Variants in TP53BP2 observed in about 807,000 individuals in gnomAD.
TP53BP2 encodes tumor protein p53 binding protein 2.
A neutral mutation model predicts 126.2 loss-of-function variants in TP53BP2; 62 were observed. The ratio of observed to expected loss-of-function variants is 0.49; its 90% CI spans 0.40 to 0.61. TP53BP2 has a LOEUF of 0.61. Ranked by LOEUF, TP53BP2 falls within the 20% of genes least tolerant of loss-of-function variation. The pLI is 0.00. For synonymous variants in TP53BP2, 485 were observed against 502.9 expected (o/e 0.96, Z 0.48); for missense variants, 1,215 against 1,402.8 (o/e 0.87, Z 2.14).
chr1:223,807,365 A>G (rs1161127802), intron 4 of TP53BP2, among the ~76,000 whole-genome samples: 3 of 152,192 alleles, frequency 2.0e-5, no homozygotes, highest in Non-Finnish European at 4.4e-5. Context: ...CTTTAGCACT[A>G]AAAAATTCAA....
At position 223,803,318 on chromosome 1, in the gene TP53BP2, T is replaced by C; in HGVS notation, c.784A>G (p.Asn262Asp). The change falls in exon 7 of 18, where the codon AAT (asparagine) becomes GAT (aspartate). Residue 262 changes from asparagine to aspartate, a missense_variant. By Grantham distance (23) the Asn-to-Asp change is conservative. Transcript: ENST00000343537. ...KNGRIDSHHD[N>D]QSAVAELDRL... ...TCAAGCTCAGCCACTGCAGACTGAT[T>C]GTCATGGTGGCTGTCGATCCTGCCG... 2 of 1,613,572 alleles carry C rather than the reference T, an allele frequency of 1.2e-6. No homozygotes were observed. Among genetic ancestry groups the C allele is most frequent in the South Asian group, 1.1e-5 (1 of 91,052 alleles).
chr1:223,843,505 T>TAAACC (rs1211619559), intron 1 of TP53BP2, among the ~76,000 whole-genome samples: 5 of 152,210 alleles, frequency 3.3e-5, no homozygotes, highest in Admixed American at 2.0e-4. Flanking sequence ...GTCTAAATAG[T>TAAACC]AAACCATTAT....
chr1:223,812,777 C>G (rs533650062), intron 3 of TP53BP2, among the ~76,000 whole-genome samples: 1 of 152,232 alleles, frequency 6.6e-6, no homozygotes, highest in Admixed American at 6.5e-5. Context: ...CCAGGATGGT[C>G]TGTCTCGATC....
intron 1 of TP53BP2, among the ~76,000 whole-genome samples, chr1:223,841,213 A>T (rs889480559): frequency 1.3e-5 from 2 of 151,496 alleles, no homozygotes; most frequent in Non-Finnish European, 2.9e-5. Context: ...ACTGCACTCC[A>T]GCCTGGACTA....
chr1:223,821,895 CT>C (rs111552661), intron 1 of TP53BP2, among the ~76,000 whole-genome samples: 24,324 of 144,732 alleles, frequency 0.17, 2,977 homozygotes, highest in African/African-American at 0.35. Flanking sequence ...AAAAATTGTA[CT>C]TTTTTTTTTT....
In TP53BP2 at chr1:223,780,926, A is replaced by C. The variant is rs765967534; in HGVS notation, c.3364-32T>G. 2.5e-6 allele frequency: 4 copies of C among 1,588,996 alleles called. No homozygotes were observed. In the South Asian group the frequency reaches 4.5e-5, roughly 18 times the overall value. On this transcript the variant is annotated intron_variant, in intron 17 of 17. Coordinates refer to ENST00000343537, the MANE Select transcript of TP53BP2 (RefSeq NM_001031685.3). The stretch of plus-strand genomic sequence containing the variant: ...GAGAGTTTAAAAAATTTTACATACT[A>C]TAATAGATGTGTGGGAATATAACAA...
chr1:223,799,926 GCTCTGGTTCTTC>G lies in TP53BP2; in HGVS notation c.1446_1457del (p.Arg482_Gln485del). The G allele has an allele frequency of 1.2e-6, 2 of 1,607,808 alleles. No individual in the cohort carries two copies. Among genetic ancestry groups the G allele is most frequent in the Non-Finnish European group, 1.7e-6 (2 of 1,178,188 alleles). ...GAGCATCCCGCAAGATATCTTCACT[GCTCTGGTTCTTC>G]CTCAGAGTACCAAAGGAAGGTGGGG... is the stretch of plus-strand genomic sequence containing the variant. On this transcript the variant is annotated inframe_deletion, in exon 11 of 18. Transcript: ENST00000343537.
intron 1 of TP53BP2, chr1:223,834,899 C>G: frequency 1.0e-6 from 1 of 977,406 alleles, no homozygotes; most frequent in Non-Finnish European, 1.2e-6. Context: ...GTCTGTATCC[C>G]TGTCTTATCT....
At chr1:223,784,009 T>C in intron 17 of TP53BP2, 106 bp downstream of exon 17, 8 of 948,198 alleles carry the variant, frequency 8.4e-6, no homozygotes, top group Non-Finnish European at 1.4e-5. Flanking sequence ...TTCCATGTCT[T>C]ATTAACAAAG....
intron 2 of TP53BP2, chr1:223,818,167 C>T (rs1011925693): frequency 4.6e-5 from 7 of 152,538 alleles, no homozygotes; most frequent in East Asian, 3.9e-4. Flanking sequence ...TCAGGGGAAT[C>T]GCTTAGGACA....
rs550071223 is a variant in TP53BP2, at chr1:223,845,767, C to T, written c.-87G>A. The T allele has an allele frequency of 1.9e-4, 247 of 1,295,106 alleles. 2 individuals carry two copies. In the South Asian group the frequency reaches 4.5e-3, roughly 23 times the overall value. The allele number at this position is 1,295,106 out of a possible 1,614,324, so 80.2% of individuals were successfully genotyped here. ...CGGGGGAGGGGAGCGGAGAGCGAGG[C>T]CGCCCGGACCTGTTGCGAGGCGGCG... On this transcript the variant is annotated 5_prime_UTR_variant, in exon 1 of 18. Coordinates refer to ENST00000343537, the MANE Select transcript of TP53BP2 (RefSeq NM_001031685.3).
chr1:223,845,567 C>T, intron 1 of TP53BP2, 87 bp downstream of exon 1: 1 of 1,385,154 alleles, frequency 7.2e-7, no homozygotes, highest in Non-Finnish European at 9.4e-7. Flanking sequence ...AGGCTCCTTC[C>T]CCGACGCGCC....
intron 1 of TP53BP2, among the ~76,000 whole-genome samples, chr1:223,822,423 TGGGA>T (rs1663342778): frequency 1.3e-5 from 2 of 151,668 alleles, no homozygotes; most frequent in Non-Finnish European, 2.9e-5. Context: ...CCCAACACTT[TGGGA>T]GGCCAAGGCG....
intron 1 of TP53BP2, among the ~76,000 whole-genome samples, chr1:223,822,511 A>G (rs1325235988): frequency 6.6e-6 from 1 of 152,082 alleles, no homozygotes; most frequent in Non-Finnish European, 1.5e-5. Flanking sequence ...ACCAAAAATT[A>G]AAAGAAAATC....
chr1:223,828,385 G>A lies in TP53BP2; in HGVS notation c.28-7018C>T, dbSNP rs181758684. 1.4e-4 allele frequency among the ~76,000 whole-genome samples: 21 copies of A among 152,218 alleles called. No individual in the cohort carries two copies. The East Asian group carries it at 3.1e-3, about 22-fold the overall frequency. On this transcript the variant is annotated intron_variant, in intron 1 of 17. Transcript: ENST00000343537. ...AGTGAATTTTTAGGAACTTATCTAC[G>A]TTTAAATTTTCTAGAATGTACCACG...
At chr1:223,822,577 G>A (rs1663349616) in intron 1 of TP53BP2, among the ~76,000 whole-genome samples, 1 of 151,770 alleles carries the variant, frequency 6.6e-6, no homozygotes, top group South Asian at 2.1e-4. Context: ...GCTGAGTGGG[G>A]AAGACTGCTT....
chr1:223,827,857 G>A (rs1336051543), intron 1 of TP53BP2, among the ~76,000 whole-genome samples: 1 of 151,776 alleles, frequency 6.6e-6, no homozygotes, highest in Non-Finnish European at 1.5e-5. Flanking sequence ...ATGTTAACAT[G>A]AGAAAATGCA....
intron 1 of TP53BP2, among the ~76,000 whole-genome samples, chr1:223,834,379 T>C (rs1186353292): frequency 6.6e-6 from 1 of 152,158 alleles, no homozygotes; most frequent in Non-Finnish European, 1.5e-5. Context: ...ATTAGAGGGT[T>C]TTGAGCAGGG....
intron 1 of TP53BP2, among the ~76,000 whole-genome samples, chr1:223,835,489 C>A (rs577833966): frequency 1.3e-5 from 2 of 152,142 alleles, no homozygotes; most frequent in Non-Finnish European, 2.9e-5. Flanking sequence ...GCCAGGCATT[C>A]GTCTTATTTT....
Sources: allele counts gnomAD v4.1 joint callset (sites outside exome capture counted in the v4.1 genomes callset), GRCh38; gene constraint gnomAD v4.1.1; transcripts MANE v1.5; gene names NCBI Gene and HGNC (gene_info 2026-07-23, HGNC 2026-07-21).